NUP93: variants seen among roughly 807,000 people sequenced by gnomAD.
The protein encoded by NUP93 is nuclear pore complex protein Nup93.
A neutral mutation model predicts 107.8 loss-of-function variants in NUP93; 55 were observed. The observed-to-expected ratio is 0.51, with a 90% CI of 0.41 to 0.64. The LOEUF (loss-of-function observed/expected upper bound fraction) is 0.64, where lower values mean the gene tolerates loss of function less well. NUP93 is among the 30% of genes least tolerant of loss of function. The pLI, the probability that NUP93 is intolerant of heterozygous loss-of-function variation, is 0.00. For missense variants in NUP93, 937 were observed against 1,044.7 expected (o/e 0.90, Z 1.42); for synonymous variants, 390 against 397.5 (o/e 0.98, Z 0.22).
rs527370465 is a variant in NUP93, at chr16:56,794,171, C to T, written c.298-4305C>T. On this transcript the variant is annotated intron_variant, in intron 3 of 21. Transcript: ENST00000308159. ...AAAAATATTTTGAAAAGACAGAACA[C>T]GTGTGTTTTTTAAAATAAAATATGA... Among the ~76,000 whole-genome samples, 63 of 152,118 alleles carry T rather than the reference C, an allele frequency of 4.1e-4. 1 individual carries two copies. In the South Asian group the frequency reaches 7.7e-3, roughly 19 times the overall value.
At chr16:56,829,192 A>G (rs1963730335) in intron 9 of NUP93, 83 bp downstream of exon 9, 3 of 1,494,744 alleles carry the variant, frequency 2.0e-6, no homozygotes, top group Non-Finnish European at 2.7e-6. Context: ...AAATGAGGGT[A>G]TCTGTGGAGA....
At chr16:56,802,141 C>G (rs1963033950) in intron 4 of NUP93, among the ~76,000 whole-genome samples, 1 of 152,188 alleles carries the variant, frequency 6.6e-6, no homozygotes, top group Non-Finnish European at 1.5e-5. Context: ...TCTACCCTAC[C>G]TGATCCTTAT....
intron 2 of NUP93, among the ~76,000 whole-genome samples, chr16:56,755,678 C>T (rs1302577254): frequency 6.6e-6 from 1 of 152,040 alleles, no homozygotes; most frequent in Non-Finnish European, 1.5e-5. Flanking sequence ...AGTTCAACCC[C>T]AGCTTGGCCA....
chr16:56,805,422 G>A, intron 4 of NUP93, 82 bp from the exon 5 acceptor site: 1 of 1,519,622 alleles, frequency 6.6e-7, no homozygotes, highest in Non-Finnish European at 9.0e-7. Flanking sequence ...GGTCTGGAGG[G>A]CTTTAGGTTT....
intron 3 of NUP93, chr16:56,783,378 G>C (rs1424163388): frequency 1.2e-5 from 7 of 594,402 alleles, no homozygotes; most frequent in Non-Finnish European, 1.5e-5. Context: ...GGAACTGTGA[G>C]AATTCGGCTC....
intron 6 of NUP93, among the ~76,000 whole-genome samples, chr16:56,819,646 A>G (rs1228460611): frequency 1.3e-5 from 2 of 152,226 alleles, no homozygotes; most frequent in Admixed American, 1.3e-4. Context: ...AGCAGGGGAC[A>G]GTGAGAAACT....
At chr16:56,774,366 C>T (rs1286627776) in intron 3 of NUP93, among the ~76,000 whole-genome samples, 1 of 152,006 alleles carries the variant, frequency 6.6e-6, no homozygotes, top group Non-Finnish European at 1.5e-5. Context: ...TGCCTTTTTC[C>T]CAGCTCCTCT....
chr16:56,798,428 T>G, intron 3 of NUP93, 48 bp from the exon 4 acceptor site: 1 of 1,543,034 alleles, frequency 6.5e-7, no homozygotes, highest in Non-Finnish European at 9.0e-7. Context: ...ATACTTTTGA[T>G]TTTTTGAAAG....
chr16:56,760,185 A>AC (rs1372618019), intron 3 of NUP93, among the ~76,000 whole-genome samples: 1 of 152,220 alleles, frequency 6.6e-6, no homozygotes, highest in Non-Finnish European at 1.5e-5. Flanking sequence ...TTGGTCCTGT[A>AC]CCACTGGGAA....
chr16:56,832,426 T>G (rs1402360463), intron 12 of NUP93, 38 bp downstream of exon 12: 1 of 1,533,472 alleles, frequency 6.5e-7, no homozygotes, highest in Non-Finnish European at 9.0e-7. Flanking sequence ...CCTTCTCTTG[T>G]CCACTTAAGG....
At chr16:56,735,828 C>CAAA (rs58346838) in intron 1 of NUP93, among the ~76,000 whole-genome samples, 1 of 106,972 alleles carries the variant, frequency 9.3e-6, no homozygotes, top group African/African-American at 3.3e-5. Context: ...AACTCCGTCT[C>CAAA]AAAAAAAAAA....
chr16:56,796,243 A>G (rs916109141), intron 3 of NUP93, among the ~76,000 whole-genome samples: 22 of 152,246 alleles, frequency 1.4e-4, no homozygotes, highest in African/African-American at 5.1e-4. Context: ...CAGTGGTCCC[A>G]TAAGATTACA....
chr16:56,837,030 A>G (rs1266829424), intron 17 of NUP93, among the ~76,000 whole-genome samples: 2 of 152,262 alleles, frequency 1.3e-5, no homozygotes, highest in East Asian at 3.8e-4. Flanking sequence ...AAATTACATT[A>G]TGCTGACCCT....
At chr16:56,813,500 T>C (rs1251965182) in intron 5 of NUP93, among the ~76,000 whole-genome samples, 1 of 152,214 alleles carries the variant, frequency 6.6e-6, no homozygotes, top group Non-Finnish European at 1.5e-5. Context: ...AGTTCAGGTA[T>C]AGAAAGTGCT....
intron 5 of NUP93, among the ~76,000 whole-genome samples, chr16:56,810,592 A>G (rs961719183): frequency 8.6e-5 from 13 of 152,044 alleles, no homozygotes; most frequent in African/African-American, 3.1e-4. Context: ...TGATCGCACC[A>G]CTGTACCCCA....
intron 8 of NUP93, among the ~76,000 whole-genome samples, chr16:56,827,532 G>C (rs73557738): frequency 0.028 from 4,305 of 152,302 alleles, 73 homozygotes; most frequent in South Asian, 0.06. Flanking sequence ...TTTCAAGCAA[G>C]TGAATCATAT....
In NUP93 at chr16:56,731,791, C is replaced by T. The variant is rs774844065; in HGVS notation, c.-15+1580C>T. ...TGGTTTGGATTATTGAAATAGTTTC[C>T]CATTTGGTCTTCCTGCTTCTGTCCT... On this transcript the variant is annotated intron_variant, in intron 1 of 21. Transcript: ENST00000308159. 9.3e-4 allele frequency among the ~76,000 whole-genome samples: 142 copies of T among 152,270 alleles called. 1 individual carries two copies. Among genetic ancestry groups the T allele is most frequent in the Non-Finnish European group, 1.4e-3 (94 of 68,012 alleles).
rs575108505 is a variant in NUP93 at position 56,836,372 on chromosome 16, C to T, written c.1783-229C>T. Among the ~76,000 whole-genome samples the T allele has an allele frequency of 2.0e-5, 3 of 152,296 alleles. No individual in the cohort carries two copies. In the South Asian group the frequency reaches 6.2e-4, roughly 32 times the overall value. ...TCTTATTGCTGACTCCTCTGTGCTT[C>T]TAGTAAGTCTGCCCTTTCATGTGTA... is the stretch of plus-strand genomic sequence containing the variant. On this transcript the variant is annotated intron_variant, in intron 16 of 21. Coordinates refer to ENST00000308159, the MANE Select transcript of NUP93 (RefSeq NM_014669.5).
intron 1 of NUP93, among the ~76,000 whole-genome samples, chr16:56,736,741 G>A (rs1387804884): frequency 9.2e-5 from 14 of 152,210 alleles, no homozygotes; most frequent in African/African-American, 3.4e-4. Flanking sequence ...TTGAGTGCAC[G>A]GGGGCAGGTG....
Sources: gnomAD v4.1 joint callset for allele counts (sites outside exome capture counted in the v4.1 genomes callset) on GRCh38, gnomAD v4.1.1 for gene constraint, MANE v1.5 for transcripts, NCBI Gene and HGNC (gene_info 2026-07-23, HGNC 2026-07-21) for gene names.